NDUFB7: variants seen among roughly 807,000 people sequenced by gnomAD.
NDUFB7 encodes NADH:ubiquinone oxidoreductase subunit B7, also known as NADH dehydrogenase [ubiquinone] 1 beta subcomplex subunit 7.
In NDUFB7, 18 loss-of-function variants were observed where a neutral mutation model predicts 14.7. That is an observed-to-expected ratio of 1.22 (90% CI 0.85 to 1.81). The LOEUF (loss-of-function observed/expected upper bound fraction) is 1.81, where lower values mean the gene tolerates loss of function less well. NDUFB7 is among the 40% of genes most tolerant of loss of function. The pLI is 0.00. For synonymous variants in NDUFB7, 86 were observed against 76.1 expected (o/e 1.13, Z -0.68); for missense variants, 219 against 195.0 (o/e 1.12, Z -0.73).
chr19:14,566,968 G>A lies in NDUFB7; in HGVS notation c.113-35C>T, dbSNP rs369884069. The A allele has an allele frequency of 1.1e-5, 17 of 1,542,930 alleles. No homozygotes were observed. In the African/African-American group the frequency reaches 1.6e-4, roughly 15 times the overall value. On this transcript the variant is annotated intron_variant, in intron 1 of 2. Coordinates refer to ENST00000215565, the MANE Select transcript of NDUFB7 (RefSeq NM_004146.6). Reference sequence around the variant, plus strand: ...GTGGGCGGGGCTCAACCAGGCTGGAGGCTCCCCACCCCAATTCCGGGGATC... The same window carrying A: ...GTGGGCGGGGCTCAACCAGGCTGGAAGCTCCCCACCCCAATTCCGGGGATC...
At chr19:14,568,176 C>T (rs1352246434) in intron 1 of NDUFB7, among the ~76,000 whole-genome samples, 1 of 152,220 alleles carries the variant, frequency 6.6e-6, no homozygotes, top group Non-Finnish European at 1.5e-5. Context: ...TCCTGAGTAG[C>T]TGGAACTACA....
intron 1 of NDUFB7, among the ~76,000 whole-genome samples, chr19:14,569,579 G>A (rs973577719): frequency 3.9e-5 from 6 of 152,320 alleles, no homozygotes; most frequent in South Asian, 2.1e-4. Flanking sequence ...GGTTGCTAGC[G>A]TTTGCAAAGC....
At position 14,572,052 on chromosome 19, in the gene NDUFB7, C is replaced by T; in HGVS notation, c.-52G>A. ...GCAGCCGAGGGTCACCTAGCTCCTA[C>T]CCGGAACCACTGACCCCTCAGTCAG... On this transcript the variant is annotated 5_prime_UTR_variant, in exon 1 of 3. Transcript: ENST00000215565. 1 of 1,372,514 alleles carries T rather than the reference C, an allele frequency of 7.3e-7. No homozygotes were observed. Among genetic ancestry groups the T allele is most frequent in the South Asian group, 1.3e-5 (1 of 76,578 alleles). The allele number at this position is 1,372,514 out of a possible 1,614,324, so 85.0% of individuals were successfully genotyped here. A position where few individuals can be genotyped will look rare whatever the true frequency, so the allele number is the denominator to read the frequency against.
chr19:14,566,786 C>G lies in NDUFB7; in HGVS notation c.260G>C (p.Trp87Ser), dbSNP rs560696184. Reference protein sequence around the residue: ...FLACKQERHDWDYCEHRDYVM... With the variant: ...FLACKQERHDSDYCEHRDYVM... ...TCACTCGCGGTGCTCGCAGTAGTCC[C>G]AGTCGTGCCGCTCCTGCTTGCAGGC... Residue 87 changes from tryptophan to serine, a missense_variant, in exon 2 of 3, where the codon TGG (tryptophan) becomes TCG (serine). Physicochemically the swap from Trp to Ser is radical, Grantham distance 177. Transcript: ENST00000215565. 6.5e-7 allele frequency: 1 copy of G among 1,545,584 alleles called. No individual in the cohort carries two copies. Among genetic ancestry groups the G allele is most frequent in the Non-Finnish European group, 8.7e-7 (1 of 1,146,680 alleles).
Position 14,567,909 on chromosome 19 carries a change from G to A in NDUFB7, c.113-976C>T, listed in dbSNP as rs372976226. Among the ~76,000 whole-genome samples the A allele has an allele frequency of 3.3e-5, 5 of 151,952 alleles. No individual in the cohort carries two copies. The highest frequency in any genetic ancestry group is 1.9e-4 in the East Asian group (1 of 5,158). ...CCCTACCCCCTCACTGCCCAGACAC[G>A]GGCTCTCACAGGGCCACCCAACAGC... On this transcript the variant is annotated intron_variant, in intron 1 of 2. Coordinates refer to ENST00000215565, the MANE Select transcript of NDUFB7 (RefSeq NM_004146.6). This position sits in a 1 kb window ranked among gnomAD's most constrained non-coding sequence, Gnocchi z 5.1.
chr19:14,566,899 C>T lies in NDUFB7; in HGVS notation c.147G>A (p.Ala49=), dbSNP rs139981425. ...AGTCCCGCAGCTGGAGCCTCAGCTG[C>T]GCGTCCATCATCTCCTGCTGTGTGG... ...MVATQQEMMD[A]QLRLQLRDYC... The change falls in exon 2 of 3, where the codon GCG becomes GCA. Residue 49 remains alanine (A), a synonymous_variant. Transcript: ENST00000215565. 3,006 of 1,584,410 alleles carry T rather than the reference C, an allele frequency of 1.9e-3. 1 individual carries two copies. Among genetic ancestry groups the T allele is most frequent in the Non-Finnish European group, 2.3e-3 (2,722 of 1,169,040 alleles).
At position 14,571,956 on chromosome 19, in the gene NDUFB7, C is replaced by G; in HGVS notation, c.45G>C (p.Val15=). 1 of 1,611,348 alleles carries G rather than the reference C, an allele frequency of 6.2e-7. No individual in the cohort carries two copies. Among genetic ancestry groups the G allele is most frequent in the Non-Finnish European group, 8.5e-7 (1 of 1,179,198 alleles). The change falls in exon 1 of 3, where the codon GTG becomes GTC. Residue 15 remains valine (V), a synonymous_variant. Transcript: ENST00000215565. ...TTGGCATCTGCAGGGGGTCGGGCTC[C>G]ACCGAGGCATCGCCCAGGTAGCGCC... ...LVRRYLGDAS[V]EPDPLQMPTF...
chr19:14,566,209 T>TTCTTCCGCTGGAGCAGCCTCC lies in NDUFB7; in HGVS notation c.317_337dup (p.Arg106_Lys112dup). ...CTCTGCCGCCTTCTTCTCCCGCCGC[T>TTCTTCCGCTGGAGCAGCCTCC]TCTTCCGCTGGAGCAGCCTCCGCTC... On this transcript the variant is annotated inframe_insertion, in exon 3 of 3. Coordinates refer to ENST00000215565, the MANE Select transcript of NDUFB7 (RefSeq NM_004146.6). 2 of 1,614,032 alleles carry TTCTTCCGCTGGAGCAGCCTCC rather than the reference T, an allele frequency of 1.2e-6. No individual in the cohort carries two copies. Among genetic ancestry groups the TTCTTCCGCTGGAGCAGCCTCC allele is most frequent in the Non-Finnish European group, 1.7e-6 (2 of 1,179,986 alleles).
intron 2 of NDUFB7, 27 bp downstream of exon 2, chr19:14,566,738 G>A: frequency 6.5e-7 from 1 of 1,527,810 alleles, no homozygotes; most frequent in Non-Finnish European, 8.8e-7. Flanking sequence ...GGGCCGGGGT[G>A]TTGGGGGCTG....
intron 1 of NDUFB7, among the ~76,000 whole-genome samples, chr19:14,568,846 A>C (rs2074108629): frequency 6.6e-6 from 1 of 152,122 alleles, no homozygotes; most frequent in African/African-American, 2.4e-5. Flanking sequence ...ACTCCAGCCT[A>C]AGCAACAGAG....
intron 1 of NDUFB7, among the ~76,000 whole-genome samples, chr19:14,569,269 G>A (rs150352384): frequency 1.4e-3 from 216 of 152,146 alleles, no homozygotes; most frequent in African/African-American, 4.7e-3. Flanking sequence ...TCGGGAGACC[G>A]GTCAGCAGGG....
At position 14,566,799 on chromosome 19, in the gene NDUFB7, C is replaced by T. The variant is rs2074091582; in HGVS notation, c.247G>A (p.Glu83Lys). 1.3e-6 allele frequency: 2 copies of T among 1,546,856 alleles called. No individual in the cohort carries two copies. The highest frequency in any genetic ancestry group is 2.7e-5 in the African/African-American group (2 of 72,906). Residue 83 changes from glutamate (E) to lysine (K), a missense_variant, in exon 2 of 3, where the codon GAG (glutamate) becomes AAG (lysine). Transcript: ENST00000215565. ...TCGCAGTAGTCCCAGTCGTGCCGCT[C>T]CTGCTTGCAGGCCAGGAAGTTGGGG... ...SFPNFLACKQ[E>K]RHDWDYCEHR... is the part of the protein sequence containing the mutation.
rs567903291 is a variant in NDUFB7 at position 14,567,625 on chromosome 19, G to A, written c.113-692C>T. Among the ~76,000 whole-genome samples the A allele has an allele frequency of 1.7e-4, 26 of 152,064 alleles. No individual in the cohort carries two copies. The highest frequency in any genetic ancestry group is 1.0e-3 in the Admixed American group (16 of 15,260). On this transcript the variant is annotated intron_variant, in intron 1 of 2. Transcript: ENST00000215565. The surrounding 1 kb of genome is among the most constrained non-coding windows in gnomAD (Gnocchi z 5.1). ...ATGAGGAATCCTGGACACTCACCCC[G>A]GAGCCTGTGCCTGGCGATCCTGCAC...
chr19:14,567,563 C>G lies in NDUFB7; in HGVS notation c.113-630G>C, dbSNP rs2074099651. On this transcript the variant is annotated intron_variant, in intron 1 of 2. Transcript: ENST00000215565. The surrounding 1 kb of genome is among the most constrained non-coding windows in gnomAD (Gnocchi z 5.1). ...CCCACTCACCTAGCAAACCTGACTC[C>G]GGACAAATCAACCTTCAGGAGGGGG... Among the ~76,000 whole-genome samples the G allele has an allele frequency of 6.6e-6, 1 of 152,138 alleles. No homozygotes were observed. The highest frequency in any genetic ancestry group is 1.9e-4 in the East Asian group (1 of 5,174).
intron 1 of NDUFB7, 55 bp downstream of exon 1, chr19:14,571,834 T>G (rs549959826): frequency 6.6e-7 from 1 of 1,507,992 alleles, no homozygotes; most frequent in East Asian, 2.4e-5. Flanking sequence ...GGGTGCCAGG[T>G]GTTCAGGCAC....
At chr19:14,571,656 C>T (rs1320837008) in intron 1 of NDUFB7, among the ~76,000 whole-genome samples, 1 of 152,174 alleles carries the variant, frequency 6.6e-6, no homozygotes, top group African/African-American at 2.4e-5. Flanking sequence ...GCCCGAACCC[C>T]CACTTGTCGC....
rs750249874 is a variant in NDUFB7, at chr19:14,572,036, G to C, written c.-36C>G. 3.2e-5 allele frequency: 49 copies of C among 1,508,638 alleles called. No individual in the cohort carries two copies. Among genetic ancestry groups the C allele is most frequent in the Non-Finnish European group, 4.3e-5 (48 of 1,111,466 alleles). The allele number at this position is 1,508,638 out of a possible 1,614,324, so 93.5% of individuals were successfully genotyped here. On this transcript the variant is annotated 5_prime_UTR_variant, in exon 1 of 3. Transcript: ENST00000215565. ...GCTGCAGATCCCTGCAGCAGCCGAG[G>C]GTCACCTAGCTCCTACCCGGAACCA... is the stretch of plus-strand genomic sequence containing the variant.
At position 14,572,003 on chromosome 19, in the gene NDUFB7, CTGCAG is replaced by C. The variant is rs1463291388; in HGVS notation, c.-8_-4del. 5.0e-6 allele frequency: 8 copies of C among 1,585,086 alleles called. No individual in the cohort carries two copies. The highest frequency in any genetic ancestry group is 6.0e-6 in the Non-Finnish European group (7 of 1,166,234). On this transcript the variant is annotated 5_prime_UTR_variant, in exon 1 of 3. Transcript: ENST00000215565. The stretch of plus-strand genomic sequence containing the variant: ...CGCCGGACCAGGTGGGCCCCCATGG[CTGCAG>C]TCGCTGCAGATCCCTGCAGCAGCCG...
At chr19:14,568,627 C>T (rs2074107077) in intron 1 of NDUFB7, among the ~76,000 whole-genome samples, 2 of 152,134 alleles carry the variant, frequency 1.3e-5, no homozygotes, top group Admixed American at 6.5e-5. Context: ...GAGGGAGACA[C>T]AGAACAGACA....
Sources: gnomAD v4.1 joint callset for allele counts (sites outside exome capture counted in the v4.1 genomes callset) on GRCh38, gnomAD v4.1.1 for gene constraint, Gnocchi (gnomAD v3.1) non-coding constraint, MANE v1.5 for transcripts, NCBI Gene and HGNC (gene_info 2026-07-23, HGNC 2026-07-21) for gene names.